PIEZO1: variants seen among roughly 807,000 people sequenced by gnomAD.
PIEZO1 encodes piezo-type mechanosensitive ion channel component 1.
In PIEZO1, 296 loss-of-function variants were observed where a neutral mutation model predicts 297.2. The ratio of observed to expected loss-of-function variants is 1.00; its 90% confidence interval spans 0.91 to 1.10. The LOEUF is 1.10. Ranked by LOEUF, PIEZO1 falls within the 50% of genes least tolerant of loss-of-function variation. PIEZO1 has a pLI of 0.00. For synonymous variants in PIEZO1, 2,427 were observed against 1,507.5 expected (o/e 1.61, Z -14.13); for missense variants, 5,018 against 3,455.5 (o/e 1.45, Z -11.34).
intron 1 of PIEZO1, among the ~76,000 whole-genome samples, chr16:88,751,549 C>T (rs946692952): frequency 6.6e-6 from 1 of 152,210 alleles, no homozygotes; most frequent in African/African-American, 2.4e-5. Context: ...ACAGCAGCCT[C>T]CCCCAGCTCC....
At chr16:88,750,863 C>T (rs1308779685) in intron 1 of PIEZO1, among the ~76,000 whole-genome samples, 2 of 151,940 alleles carry the variant, frequency 1.3e-5, no homozygotes, top group Admixed American at 6.5e-5. Flanking sequence ...CACCCACCCT[C>T]CACCCTCCAC....
At chr16:88,737,678 G>A (rs1408699986) in intron 9 of PIEZO1, 32 bp from the exon 10 acceptor site, 2 of 1,532,642 alleles carry the variant, frequency 1.3e-6, no homozygotes, top group Admixed American at 3.9e-5. Context: ...CCATGCACGG[G>A]CTGGCCGGGC....
intron 27 of PIEZO1, 43 bp from the exon 28 acceptor site, chr16:88,725,727 C>T (rs1194888370): frequency 1.2e-5 from 13 of 1,045,736 alleles, no homozygotes; most frequent in Non-Finnish European, 1.6e-5. Flanking sequence ...AGGCACTCGA[C>T]CCCAGCAACA....
chr16:88,719,244 A>T (rs1262283014), intron 44 of PIEZO1: 1 of 306,318 alleles, frequency 3.3e-6, no homozygotes, highest in Non-Finnish European at 6.3e-6. Flanking sequence ...GAGTGGTCTG[A>T]CGCACGAATT....
Position 88,726,566 on chromosome 16 carries a change from G to A in PIEZO1, c.3777C>T (p.Thr1259=), listed in dbSNP as rs190724740. The change falls in exon 26 of 51, where the codon ACC becomes ACT. Residue 1259 remains threonine, a synonymous_variant. Coordinates refer to ENST00000301015, the MANE Select transcript of PIEZO1 (RefSeq NM_001142864.4). ...WVIQLFSLVC[T]VKGYYDPKEM... is the part of the protein sequence containing the mutation. ...ACTCACGGTCATAGTAGCCCTTGAC[G>A]GTGCATACAAGGCTGAAGAGCTGGA... 115 of 1,550,016 alleles carry A rather than the reference G, an allele frequency of 7.4e-5. No individual in the cohort carries two copies. The highest frequency in any genetic ancestry group is 1.4e-4 in the African/African-American group (10 of 73,156).
intron 2 of PIEZO1, among the ~76,000 whole-genome samples, chr16:88,749,053 C>CCT (rs1906230576): frequency 6.6e-6 from 1 of 150,810 alleles, no homozygotes; most frequent in East Asian, 1.9e-4. Context: ...CTGGCTATCA[C>CCT]GGTGAAACCC....
At chr16:88,769,258 C>T (rs754893581) in intron 1 of PIEZO1, among the ~76,000 whole-genome samples, 6 of 152,180 alleles carry the variant, frequency 3.9e-5, no homozygotes, top group Non-Finnish European at 8.8e-5. Flanking sequence ...CACTATGTTA[C>T]CCAGGCTGCT....
rs972824721 is a variant in PIEZO1, at chr16:88,732,317, G to GCAAT, written c.2991+14_2991+17dup. The GCAAT allele has an allele frequency of 2.2e-5, 34 of 1,542,778 alleles. No homozygotes were observed. In the African/African-American group the frequency reaches 2.6e-4, roughly 12 times the overall value. On this transcript the variant is annotated intron_variant, in intron 21 of 50. Transcript: ENST00000301015. ...AGGCCAAGCCCTGCCCCAGGGGGAGGCAATGTCCTTGCCTCACCTCCAGCC... is the reference window on the plus strand; with the variant it reads ...AGGCCAAGCCCTGCCCCAGGGGGAGGCAATCAATGTCCTTGCCTCACCTCCAGCC...
rs869025601 is a variant in PIEZO1 at position 88,715,960 on chromosome 16, G to C, written c.7289C>G (p.Pro2430Arg). ...GTAGCCAGCCAGGAAGCCGAGGCTCGGTGGGCTGACCTTGTCACTGAAAAT... is the reference window on the plus strand; with the variant it reads ...GTAGCCAGCCAGGAAGCCGAGGCTCCGTGGGCTGACCTTGTCACTGAAAAT... ...MVIFSDKVSP[P>R]SLGFLAGYGI... Residue 2430 changes from proline to arginine, a missense_variant, in exon 50 of 51, where the codon CCG (proline) becomes CGG (arginine). Physicochemically the swap from Pro to Arg is moderately radical, Grantham distance 103. Coordinates refer to ENST00000301015, the MANE Select transcript of PIEZO1 (RefSeq NM_001142864.4). 2.6e-5 allele frequency: 41 copies of C among 1,549,850 alleles called. No individual in the cohort carries two copies. Among genetic ancestry groups the C allele is most frequent in the Non-Finnish European group, 3.3e-5 (38 of 1,146,642 alleles).
intron 1 of PIEZO1, among the ~76,000 whole-genome samples, chr16:88,753,666 G>A (rs964869505): frequency 1.3e-5 from 2 of 152,192 alleles, no homozygotes; most frequent in African/African-American, 2.4e-5. Context: ...CGGCCGCAGG[G>A]CCACGGCTTT....
In PIEZO1 at chr16:88,735,259, C is replaced by G; in HGVS notation, c.1558-13G>C. On this transcript the variant is annotated splice_polypyrimidine_tract_variant and intron_variant, in intron 12 of 50. Coordinates refer to ENST00000301015, the MANE Select transcript of PIEZO1 (RefSeq NM_001142864.4). ...GGGTGTAGAGCAACTGTGACAAGCG[C>G]AGGGTGTCACAGTCAGCCGGGGGGC... is the stretch of plus-strand genomic sequence containing the variant. The G allele has an allele frequency of 8.5e-6, 13 of 1,522,860 alleles. No individual in the cohort carries two copies. Among genetic ancestry groups the G allele is most frequent in the Non-Finnish European group, 1.2e-5 (13 of 1,121,838 alleles). The allele number at this position is 1,522,860 out of a possible 1,614,324, so 94.3% of individuals were successfully genotyped here. A position where few individuals can be genotyped will look rare whatever the true frequency, so the allele number is the denominator to read the frequency against.
At chr16:88,768,877 C>T (rs1473582050) in intron 1 of PIEZO1, among the ~76,000 whole-genome samples, 1 of 152,216 alleles carries the variant, frequency 6.6e-6, no homozygotes. Flanking sequence ...GGCTGCAGAC[C>T]ATGGGATCTG....
intron 31 of PIEZO1, 28 bp from the exon 32 acceptor site, chr16:88,723,356 C>T (rs576126672): frequency 2.3e-5 from 36 of 1,535,568 alleles, no homozygotes; most frequent in Middle Eastern, 1.7e-4. Context: ...GGTTAGGACC[C>T]GGCCTCCCGA....
At chr16:88,718,221 C>G (rs1261804668) in intron 44 of PIEZO1, 1 of 155,624 alleles carries the variant, frequency 6.4e-6, no homozygotes, top group Non-Finnish European at 1.4e-5. Flanking sequence ...GCAGCATGGC[C>G]AGAACAAAAA....
chr16:88,715,787 T>G lies in PIEZO1; in HGVS notation c.7384A>C (p.Ile2462Leu). The change falls in exon 51 of 51, where the codon ATC becomes CTC. Residue 2462 changes from isoleucine to leucine, a missense_variant. Coordinates refer to ENST00000301015, the MANE Select transcript of PIEZO1 (RefSeq NM_001142864.4). ...TCCTCGAACATAATGGAGTGCGAGATCTCGCTGAAGAATCCGCGCACGAAC... is the reference window on the plus strand; with the variant it reads ...TCCTCGAACATAATGGAGTGCGAGAGCTCGCTGAAGAATCCGCGCACGAAC... ...GKFVRGFFSE[I>L]SHSIMFEELP... 6.5e-7 allele frequency: 1 copy of G among 1,550,258 alleles called. No individual in the cohort carries two copies. Among genetic ancestry groups the G allele is most frequent in the Non-Finnish European group, 8.7e-7 (1 of 1,146,936 alleles).
chr16:88,731,608 T>G, intron 22 of PIEZO1, 98 bp downstream of exon 22: 1 of 901,010 alleles, frequency 1.1e-6, no homozygotes, highest in Non-Finnish European at 1.7e-6. Context: ...AGGCTAAGTC[T>G]AGGAGGGTGG....
In PIEZO1 at chr16:88,715,569, G is replaced by T. The variant is rs554022189; in HGVS notation, c.*36C>A. 1.6e-5 allele frequency: 24 copies of T among 1,538,986 alleles called. No individual in the cohort carries two copies. The African/African-American group carries it at 3.0e-4, about 19-fold the overall frequency. On this transcript the variant is annotated 3_prime_UTR_variant, in exon 51 of 51. Transcript: ENST00000301015. ...CCCTTGTGGCCACGCTGCCCAGCAG[G>T]CCGGCTCCTTCCCTCTCGGGCGCCA...
intron 1 of PIEZO1, among the ~76,000 whole-genome samples, chr16:88,778,404 G>C (rs573287012): frequency 3.9e-5 from 6 of 152,324 alleles, no homozygotes; most frequent in African/African-American, 1.4e-4. Context: ...GTGCAGATTG[G>C]AGCCTGGTAA....
intron 22 of PIEZO1, 21 bp from the exon 23 acceptor site, chr16:88,727,682 T>C (rs1904553812): frequency 7.6e-7 from 1 of 1,310,574 alleles, no homozygotes; most frequent in South Asian, 1.6e-5. Context: ...GGGTGTCATG[T>C]CAGGAAGGGC....
Sources: allele counts gnomAD v4.1 joint callset (sites outside exome capture counted in the v4.1 genomes callset), GRCh38; gene constraint gnomAD v4.1.1; transcripts MANE v1.5; gene names NCBI Gene and HGNC (gene_info 2026-07-23, HGNC 2026-07-21).